Variants in NDRG4 observed in about 807,000 individuals in gnomAD.
NDRG4 encodes the protein protein NDRG4.
In NDRG4, 38 loss-of-function variants were observed where a neutral mutation model predicts 55.8. The ratio of observed to expected loss-of-function variants is 0.68; its 90% confidence interval spans 0.53 to 0.89. NDRG4 has a LOEUF of 0.89. Among genes scored for constraint, NDRG4 ranks in the 40% least tolerant of loss-of-function variants. The probability of loss-of-function intolerance (pLI) is 0.00; values close to 1 mark genes in which losing one functional copy is unlikely to be tolerated. For missense variants in NDRG4, 455 were observed against 468.6 expected, an observed-to-expected ratio of 0.97 and a Z score of 0.27; for synonymous variants, 190 against 182.7, an observed-to-expected ratio of 1.04 and a Z score of -0.32.
At chr16:58,496,828 G>A (rs1186164972), upstream of NDRG4, 1 of 152,152 alleles carries the variant, frequency 6.6e-6, no homozygotes, top group East Asian at 1.9e-4. Flanking sequence ...CCCACTAGCT[G>A]TGTGATGTTA....
intron 1 of NDRG4, among the ~76,000 whole-genome samples, chr16:58,484,234 G>C (rs372075519): frequency 2.0e-5 from 3 of 151,914 alleles, no homozygotes; most frequent in Non-Finnish European, 2.9e-5. Flanking sequence ...TTAGCCAGGC[G>C]TGGTGGCAGG....
chr16:58,505,275 G>C (rs1000598268), intron 5 of NDRG4, among the ~76,000 whole-genome samples: 1 of 151,862 alleles, frequency 6.6e-6, no homozygotes, highest in Non-Finnish European at 1.5e-5. Context: ...CGTGAACCCG[G>C]GAGGCGGAGC....
At chr16:58,474,469 T>C (rs918758905) in intron 1 of NDRG4, among the ~76,000 whole-genome samples, 1 of 152,158 alleles carries the variant, frequency 6.6e-6, no homozygotes, top group Admixed American at 6.5e-5. Context: ...CTCCTGGATC[T>C]CCTTCAAGTC....
Position 58,507,941 on chromosome 16 carries a change from T to A in NDRG4, c.678-7T>A. On this transcript the variant is annotated splice_polypyrimidine_tract_variant and splice_region_variant and intron_variant, in intron 9 of 14. Transcript: ENST00000570248. ...AGCCAGACAGCCCTTTTCCTCTGTA[T>A]CTGCAGCTGCCCCGTGATGCTGGTG... 1 of 1,609,606 alleles carries A rather than the reference T, an allele frequency of 6.2e-7. No homozygotes were observed. The highest frequency in any genetic ancestry group is 8.5e-7 in the Non-Finnish European group (1 of 1,176,684).
At position 58,504,284 on chromosome 16, in the gene NDRG4, C is replaced by CT. The variant is rs749941346; in HGVS notation, c.248+11dup. 6.2e-7 allele frequency: 1 copy of CT among 1,614,094 alleles called. No individual in the cohort carries two copies. Among genetic ancestry groups the CT allele is most frequent in the Non-Finnish European group, 8.5e-7 (1 of 1,180,002 alleles). ...CGCAGTTTCCTCAGGGGTAGGTACC[C>CT]TGAGCCCCCTCTGCCTGTCTCCAGC... is the stretch of plus-strand genomic sequence containing the variant. On this transcript the variant is annotated intron_variant, in intron 3 of 14. Transcript: ENST00000570248.
chr16:58,504,128 G>A (rs1767057046), intron 2 of NDRG4, 26 bp from the exon 3 acceptor site: 2 of 1,613,446 alleles, frequency 1.2e-6, no homozygotes, highest in African/African-American at 2.7e-5. Context: ...CCTCTGCTCA[G>A]CCATAGTGGA....
intron 10 of NDRG4, 59 bp downstream of exon 10, chr16:58,508,058 C>A (rs2038281561): frequency 1.4e-6 from 2 of 1,448,550 alleles, no homozygotes; most frequent in African/African-American, 1.4e-5. Context: ...GGCTCACTGG[C>A]CCCTGCCCAG....
chr16:58,510,638 CTCTT>C lies in NDRG4; in HGVS notation c.866-6_866-3del. ...CGCCCCCTCTCCGGCTCTGTCTTCT[CTCTT>C]AGTTGCGTACTTGAAGGACCGAAGG... is the stretch of plus-strand genomic sequence containing the variant. On this transcript the variant is annotated splice_polypyrimidine_tract_variant and splice_region_variant and intron_variant, in intron 13 of 14. Coordinates refer to ENST00000570248, the MANE Select transcript of NDRG4 (RefSeq NM_001242835.2). 1 of 1,536,030 alleles carries C rather than the reference CTCTT, an allele frequency of 6.5e-7. No homozygotes were observed. Among genetic ancestry groups the C allele is most frequent in the Non-Finnish European group, 8.7e-7 (1 of 1,146,880 alleles).
At position 58,464,649 on chromosome 16, in the gene NDRG4, G is replaced by A; in HGVS notation, c.-24+852G>A. 2 of 969,914 alleles carry A rather than the reference G, an allele frequency of 2.1e-6. No individual in the cohort carries two copies. The highest frequency in any genetic ancestry group is 2.7e-6 in the Non-Finnish European group (2 of 734,478). 60.1% of individuals were successfully genotyped at this position (969,914 alleles called of 1,614,324 possible). ...CAGCCCCGGGAGAGGACTTGAGGTT[G>A]TGGCGAGTCCCTGGCGCTGGCGTCC... On this transcript the variant is annotated intron_variant, in intron 1 of 15. Transcript: ENST00000258187. The surrounding 1 kb of genome is among the most constrained non-coding windows in gnomAD (Gnocchi z 4.8).
At chr16:58,492,091 C>T (rs2151713734) in intron 2 of NDRG4, among the ~76,000 whole-genome samples, 1 of 152,342 alleles carries the variant, frequency 6.6e-6, no homozygotes. Context: ...ACCCTGTTCA[C>T]TTTTTAAATG....
rs764500892 is a variant in NDRG4, at chr16:58,504,628, C to T, written c.351C>T (p.Ala117=). 1.2e-6 allele frequency: 2 copies of T among 1,614,060 alleles called. No homozygotes were observed. Among genetic ancestry groups the T allele is most frequent in the South Asian group, 1.1e-5 (1 of 91,088 alleles). Residue 117 remains alanine, a synonymous_variant, in exon 5 of 15, where the codon GCC becomes GCT. Coordinates refer to ENST00000570248, the MANE Select transcript of NDRG4 (RefSeq NM_001242835.2). ...TTGGCATCGGAGTGGGCGCCGGAGC[C>T]TATGTGCTGGCCAAGTTTGCAGTGA... The part of the protein sequence containing the change: ...YVIGIGVGAG[A]YVLAKFALIF...
At chr16:58,469,918 T>C (rs1343105998) in intron 1 of NDRG4, among the ~76,000 whole-genome samples, 1 of 152,170 alleles carries the variant, frequency 6.6e-6, no homozygotes, top group Non-Finnish European at 1.5e-5. Flanking sequence ...AGATGGTGAG[T>C]GGCTGGCTGG....
chr16:58,467,437 AG>A (rs1355024966), intron 1 of NDRG4, among the ~76,000 whole-genome samples: 3 of 152,082 alleles, frequency 2.0e-5, no homozygotes, highest in African/African-American at 7.2e-5. Flanking sequence ...GACCTGGGAG[AG>A]GGAGGTTGCA....
intron 2 of NDRG4, among the ~76,000 whole-genome samples, chr16:58,493,498 G>T (rs964217540): frequency 1.3e-5 from 2 of 152,162 alleles, no homozygotes; most frequent in Admixed American, 1.3e-4. Context: ...CGAACTCCTG[G>T]CCTCAGGTGA....
At chr16:58,479,055 A>G (rs2034087684) in intron 1 of NDRG4, among the ~76,000 whole-genome samples, 1 of 152,010 alleles carries the variant, frequency 6.6e-6, no homozygotes, top group Non-Finnish European at 1.5e-5. Context: ...TTGAGACAGA[A>G]TCTCACTGTG....
chr16:58,491,973 G>C (rs2035835972), intron 2 of NDRG4, among the ~76,000 whole-genome samples: 1 of 151,682 alleles, frequency 6.6e-6, no homozygotes, highest in Non-Finnish European at 1.5e-5. Flanking sequence ...AGAGACATGG[G>C]ATCTTTCTAT....
In NDRG4 at chr16:58,484,883, C is replaced by CTT. The variant is rs572251728; in HGVS notation, c.-23-2855_-23-2854dup. Among the ~76,000 whole-genome samples, 97 of 133,874 alleles carry CTT rather than the reference C, an allele frequency of 7.2e-4. 2 individuals are homozygous for CTT. In the East Asian group the frequency reaches 0.01, roughly 14 times the overall value. The allele number at this position is 133,874 out of a possible 152,430, so 87.8% of individuals were successfully genotyped here. The stretch of plus-strand genomic sequence containing the variant: ...GCTTCTTAAAAAAAATCATAACTTA[C>CTT]TTTTTTTTTTTTTTTTTTTGATGGA... On this transcript the variant is annotated intron_variant, in intron 1 of 15. Transcript: ENST00000258187.
At chr16:58,492,995 G>A (rs1413151205) in intron 2 of NDRG4, among the ~76,000 whole-genome samples, 2 of 152,108 alleles carry the variant, frequency 1.3e-5, no homozygotes, top group Non-Finnish European at 2.9e-5. Context: ...TGTGACAGTC[G>A]CAGGCAGCCC....
chr16:58,494,970 T>G (rs1477691616), exon 3 of NDRG4: 2 of 1,613,378 alleles, frequency 1.2e-6, no homozygotes, highest in Non-Finnish European at 1.7e-6. Flanking sequence ...CTAGGAGAGC[T>G]CCGATGCCTT....
Sources: allele counts gnomAD v4.1 joint callset (sites outside exome capture counted in the v4.1 genomes callset), GRCh38; gene constraint gnomAD v4.1.1; non-coding constraint Gnocchi (gnomAD v3.1); transcripts MANE v1.5; gene names NCBI Gene and HGNC (gene_info 2026-07-23, HGNC 2026-07-21).